PBX1: variants seen among roughly 807,000 people sequenced by gnomAD.
PBX1 encodes pre-B-cell leukemia transcription factor 1.
In PBX1, 6 loss-of-function variants were observed where a neutral mutation model predicts 53.4. The ratio of observed to expected loss-of-function variants is 0.11; its 90% CI spans 0.06 to 0.22. PBX1 has a LOEUF of 0.22. PBX1 is among the 10% of genes least tolerant of loss of function. The pLI is 1.00. For missense variants in PBX1, 251 were observed against 551.4 expected, an observed-to-expected ratio of 0.46 and a Z score of 5.46; for synonymous variants, 204 against 212.3, an observed-to-expected ratio of 0.96 and a Z score of 0.34.
At chr1:164,715,746 T>C (rs1183619951) in intron 2 of PBX1, among the ~76,000 whole-genome samples, 1 of 152,220 alleles carries the variant, frequency 6.6e-6, no homozygotes, top group Non-Finnish European at 1.5e-5. Flanking sequence ...ATTTTGTGAA[T>C]TATTTGAGTC....
At chr1:164,666,226 G>T (rs1660801153) in intron 2 of PBX1, among the ~76,000 whole-genome samples, 1 of 152,152 alleles carries the variant, frequency 6.6e-6, no homozygotes, top group African/African-American at 2.4e-5. Flanking sequence ...TTTCTCAACT[G>T]CCACTTGGCG....
At chr1:164,576,141 A>C (rs902146346) in intron 2 of PBX1, among the ~76,000 whole-genome samples, 2 of 152,236 alleles carry the variant, frequency 1.3e-5, no homozygotes, top group Admixed American at 6.5e-5. Context: ...ACCAAGAAAC[A>C]GTGGAGAAGC....
At chr1:164,643,313 G>A (rs753824968) in intron 2 of PBX1, among the ~76,000 whole-genome samples, 3 of 152,302 alleles carry the variant, frequency 2.0e-5, no homozygotes, top group East Asian at 1.9e-4. Flanking sequence ...CAATGCTGAC[G>A]TGGTGTCGTG....
chr1:164,753,089 A>G (rs1666319311), intron 2 of PBX1, among the ~76,000 whole-genome samples: 1 of 152,230 alleles, frequency 6.6e-6, no homozygotes. Flanking sequence ...GAGAATAGTG[A>G]AAACGATCTG....
Position 164,784,161 on chromosome 1 carries a change from C to G in PBX1, c.266-8333C>G, listed in dbSNP as rs999379495. Among the ~76,000 whole-genome samples the G allele has an allele frequency of 4.6e-5, 7 of 152,338 alleles. No homozygotes were observed. The East Asian group carries it at 1.4e-3, about 29-fold the overall frequency. On this transcript the variant is annotated intron_variant, in intron 2 of 8. Transcript: ENST00000420696. ...TCCTGGCCTTCTGTCTTTCCGATGGCTTTCCCCCTTTCCTCATACCTCTGG... is the reference window on the plus strand; with the variant it reads ...TCCTGGCCTTCTGTCTTTCCGATGGGTTTCCCCCTTTCCTCATACCTCTGG...
At chr1:164,597,487 T>A (rs1387860304) in intron 2 of PBX1, among the ~76,000 whole-genome samples, 1 of 152,210 alleles carries the variant, frequency 6.6e-6, no homozygotes, top group East Asian at 1.9e-4. Flanking sequence ...GGTGCAGAGA[T>A]AATTTTCTAC....
At chr1:164,758,917 T>C (rs998316745) in intron 2 of PBX1, among the ~76,000 whole-genome samples, 2 of 151,962 alleles carry the variant, frequency 1.3e-5, no homozygotes, top group Non-Finnish European at 2.9e-5. Flanking sequence ...GTGGGAGTGA[T>C]AAAGGTAAGG....
Position 164,821,531 on chromosome 1 carries a change from G to C in PBX1, c.1111-6G>C. On this transcript the variant is annotated splice_polypyrimidine_tract_variant and splice_region_variant and intron_variant, in intron 7 of 8. Coordinates refer to ENST00000420696, the MANE Select transcript of PBX1 (RefSeq NM_002585.4). ...ATTTTCTCTCTGTTATTGTTCATCT[G>C]TTTAGGTGGATACCCTTCGCCATGT... 6.2e-7 allele frequency: 1 copy of C among 1,611,548 alleles called. No homozygotes were observed. The highest frequency in any genetic ancestry group is 8.5e-7 in the Non-Finnish European group (1 of 1,177,684).
intron 2 of PBX1, among the ~76,000 whole-genome samples, chr1:164,689,566 C>T (rs982636878): frequency 6.6e-6 from 1 of 152,142 alleles, no homozygotes; most frequent in Non-Finnish European, 1.5e-5. Context: ...ATAGCTATAT[C>T]CATTTCCTGG....
chr1:164,598,387 C>T (rs901857956), intron 2 of PBX1, among the ~76,000 whole-genome samples: 1 of 152,030 alleles, frequency 6.6e-6, no homozygotes, highest in Non-Finnish European at 1.5e-5. Context: ...AGTTAGGTGT[C>T]GAGACCAAGG....
intron 2 of PBX1, among the ~76,000 whole-genome samples, chr1:164,861,470 T>C (rs1021588891): frequency 6.6e-6 from 1 of 152,218 alleles, no homozygotes; most frequent in Non-Finnish European, 1.5e-5. Flanking sequence ...CATTTATTTA[T>C]TCCTTCACTT....
intron 3 of PBX1, among the ~76,000 whole-genome samples, chr1:164,793,872 C>CCTTTCTTTTTTTT (rs1553247240): frequency 3.8e-5 from 3 of 78,218 alleles, no homozygotes; most frequent in African/African-American, 1.0e-4. Flanking sequence ...TTTTTCCTTT[C>CCTTTCTTTTTTTT]TTTTTTTTTT....
intron 2 of PBX1, among the ~76,000 whole-genome samples, chr1:164,779,640 G>A (rs1331331773): frequency 6.6e-6 from 1 of 152,214 alleles, no homozygotes. Flanking sequence ...CTGCTGAAGT[G>A]GGGAGAGTTG....
At chr1:164,862,374 C>T (rs1672120950) in intron 2 of PBX1, among the ~76,000 whole-genome samples, 1 of 152,154 alleles carries the variant, frequency 6.6e-6, no homozygotes. Context: ...TCCACAGCAC[C>T]CTATTTATCC....
intron 2 of PBX1, chr1:164,684,038 G>C (rs2102004418): frequency 1.3e-5 from 2 of 152,242 alleles, no homozygotes; most frequent in Middle Eastern, 3.4e-3. Context: ...GGCTGGTCTT[G>C]AACTCCTAGC....
intron 1 of PBX1, among the ~76,000 whole-genome samples, chr1:164,562,583 C>T (rs190293933): frequency 2.8e-4 from 42 of 152,224 alleles, no homozygotes; most frequent in Non-Finnish European, 4.4e-4. Flanking sequence ...TGAATTTCAA[C>T]ACCTGCAAAT....
At chr1:164,835,239 G>GTTTTTTTTTTTTTT (rs71670294) in intron 8 of PBX1, among the ~76,000 whole-genome samples, 1 of 136,120 alleles carries the variant, frequency 7.3e-6, no homozygotes, top group African/African-American at 2.7e-5. Flanking sequence ...TTTGATTTTG[G>GTTTTTTTTTTTTTT]TTTTTTTTTT....
chr1:164,825,869 G>A (rs913571184), intron 8 of PBX1, among the ~76,000 whole-genome samples: 11 of 152,042 alleles, frequency 7.2e-5, no homozygotes, highest in Admixed American at 4.6e-4. Context: ...CATGCATGTA[G>A]CAACATAGTA....
chr1:164,649,196 G>A (rs1659639627), intron 2 of PBX1, among the ~76,000 whole-genome samples: 1 of 152,168 alleles, frequency 6.6e-6, no homozygotes, highest in South Asian at 2.1e-4. Flanking sequence ...AATGGGCTGT[G>A]TGTGTCTCCT....
Sources: allele counts gnomAD v4.1 joint callset (sites outside exome capture counted in the v4.1 genomes callset), GRCh38; gene constraint gnomAD v4.1.1; transcripts MANE v1.5; gene names NCBI Gene and HGNC (gene_info 2026-07-23, HGNC 2026-07-21).